Variants in MAMSTR observed in about 807,000 individuals in gnomAD.
MAMSTR encodes MEF2 activating motif and SAP domain containing transcriptional regulator.
A neutral mutation model predicts 42.7 loss-of-function variants in MAMSTR; 41 were observed. That is an observed-to-expected ratio of 0.96 (90% confidence interval 0.75 to 1.25). The LOEUF (loss-of-function observed/expected upper bound fraction) is 1.25, where lower values mean the gene tolerates loss of function less well. Ranked by LOEUF, MAMSTR falls within the 50% of genes most tolerant of loss-of-function variation. The pLI is 0.00. For missense variants in MAMSTR, 567 were observed against 557.6 expected (o/e 1.02, Z -0.17); for synonymous variants, 265 against 244.1 (o/e 1.09, Z -0.80).
chr19:48,712,244 A>T (rs1397319963), downstream of MAMSTR, among the ~76,000 whole-genome samples: 1 of 151,982 alleles, frequency 6.6e-6, no homozygotes, highest in Non-Finnish European at 1.5e-5. Flanking sequence ...GCCCAGTTCC[A>T]TGTGTCCCAA....
At chr19:48,711,498 G>A (rs193042967), downstream of MAMSTR, among the ~76,000 whole-genome samples, 2 of 152,334 alleles carry the variant, frequency 1.3e-5, no homozygotes, top group Admixed American at 1.3e-4. Flanking sequence ...CCATGCATTT[G>A]TGAGCAGTCA....
At position 48,713,193 on chromosome 19, in the gene MAMSTR, T is replaced by C. The variant is rs1601244824; in HGVS notation, c.*74A>G. ...TCTGCGGTAGGAGGGGCTCTGCTGG[T>C]AGTTCCCTCTCCTCCCACAAGGAGC... is the stretch of plus-strand genomic sequence containing the variant. On this transcript the variant is annotated 3_prime_UTR_variant, in exon 10 of 10. Transcript: ENST00000318083. 7.2e-7 allele frequency: 1 copy of C among 1,394,060 alleles called. No homozygotes were observed. Among genetic ancestry groups the C allele is most frequent in the Non-Finnish European group, 9.6e-7 (1 of 1,039,626 alleles). The allele number at this position is 1,394,060 out of a possible 1,614,324, so 86.4% of individuals were successfully genotyped here. A position where few individuals can be genotyped will look rare whatever the true frequency, so the allele number is the denominator to read the frequency against.
At chr19:48,710,691 G>A (rs2032709574), downstream of MAMSTR, among the ~76,000 whole-genome samples, 1 of 149,516 alleles carries the variant, frequency 6.7e-6, no homozygotes, top group Non-Finnish European at 1.5e-5. Flanking sequence ...CCACCTCCCA[G>A]ATTCAAGCAA....
rs1313551357 is a variant in MAMSTR, at chr19:48,719,535, A to T, written c.-22+144T>A. On this transcript the variant is annotated intron_variant, in intron 1 of 9. Transcript: ENST00000318083. This position sits in a 1 kb window ranked among gnomAD's most constrained non-coding sequence, Gnocchi z 4.4. ...ACGGGGCCCTGACAGGTTTCTGAGGAATAGAAGGGCCCCTGTGACCTGCAT... is the reference window on the plus strand; with the variant it reads ...ACGGGGCCCTGACAGGTTTCTGAGGTATAGAAGGGCCCCTGTGACCTGCAT... 1 of 159,262 alleles carries T rather than the reference A, an allele frequency of 6.3e-6. No individual in the cohort carries two copies. The highest frequency in any genetic ancestry group is 2.4e-5 in the African/African-American group (1 of 41,476). The allele number at this position is 159,262 out of a possible 1,614,324, so 9.9% of individuals were successfully genotyped here.
At chr19:48,709,743 C>G (rs766289278), downstream of MAMSTR, among the ~76,000 whole-genome samples, 3 of 152,228 alleles carry the variant, frequency 2.0e-5, no homozygotes, top group South Asian at 6.2e-4. Context: ...TGAGCACAGG[C>G]TCCCTGAGCC....
Position 48,714,478 on chromosome 19 carries a change from C to T in MAMSTR, c.611G>A (p.Gly204Asp). The change falls in exon 7 of 10, where the codon GGC becomes GAC. Residue 204 changes from glycine (G) to aspartate (D), a missense_variant. Physicochemically the swap from Gly to Asp is moderately conservative, Grantham distance 94. Coordinates refer to ENST00000318083, the MANE Select transcript of MAMSTR (RefSeq NM_001130915.2). ...TKSMLLERMR[G>D]GAPPRERPKP... is the part of the protein sequence containing the mutation. ...CGGCCGCTCGCGGGGCGGCGCGCCG[C>T]CGCGCATGCGCTCCAGGAGCATAGA... The T allele has an allele frequency of 7.3e-7, 1 of 1,368,960 alleles. No individual in the cohort carries two copies. Among genetic ancestry groups the T allele is most frequent in the Non-Finnish European group, 9.3e-7 (1 of 1,073,358 alleles). The allele number at this position is 1,368,960 out of a possible 1,614,324, so 84.8% of individuals were successfully genotyped here.
rs1008045011 is a variant in MAMSTR, at chr19:48,714,765, G to A, written c.528+41C>T. On this transcript the variant is annotated intron_variant, in intron 6 of 9. Transcript: ENST00000318083. ...GGGGTTGGAATTCTGGGACCCCACC[G>A]AAGGAGAGAGAAGGCCTGGAAAGTT... 4.1e-6 allele frequency: 6 copies of A among 1,473,444 alleles called. No homozygotes were observed. The African/African-American group carries it at 4.1e-5, about 10-fold the overall frequency. The allele number at this position is 1,473,444 out of a possible 1,614,324, so 91.3% of individuals were successfully genotyped here. A position where few individuals can be genotyped will look rare whatever the true frequency, so the allele number is the denominator to read the frequency against.
chr19:48,706,509 T>C, the MAMSTR span, among the ~76,000 whole-genome samples: 4 of 151,670 alleles, frequency 2.6e-5, no homozygotes, highest in East Asian at 3.9e-4. Flanking sequence ...TGGTGGTGCA[T>C]GCCTGTAATC....
chr19:48,717,057 G>A (rs1274667267), intron 2 of MAMSTR: 17 of 966,912 alleles, frequency 1.8e-5, no homozygotes, highest in East Asian at 6.4e-5. Context: ...CACCCCCTGC[G>A]CAATCGCTAT....
chr19:48,713,830 C>G (rs779448848), intron 8 of MAMSTR, 30 bp downstream of exon 8: 6 of 1,614,168 alleles, frequency 3.7e-6, no homozygotes, highest in Admixed American at 3.3e-5. Flanking sequence ...ACTGGAGAAC[C>G]CTAGCCGGAT....
rs146010481 is a variant in MAMSTR at position 48,719,648 on chromosome 19, GC to G, written c.-22+30del. ...AGGGGATAGAACCGTTGAGGAGTGCGCCCCCCCCGTCCACCCCAGGGGCTTC... is the reference window on the plus strand; with the variant it reads ...AGGGGATAGAACCGTTGAGGAGTGCGCCCCCCCGTCCACCCCAGGGGCTTC... On this transcript the variant is annotated intron_variant, in intron 1 of 9. Transcript: ENST00000318083. This position sits in a 1 kb window ranked among gnomAD's most constrained non-coding sequence, Gnocchi z 4.4. 3.9e-5 allele frequency: 6 copies of G among 152,138 alleles called. No homozygotes were observed. Among genetic ancestry groups the G allele is most frequent in the Non-Finnish European group, 7.3e-5 (5 of 68,380 alleles). 9.4% of individuals were successfully genotyped at this position (152,138 alleles called of 1,614,324 possible).
At chr19:48,716,035 A>T (rs2033010264) in intron 3 of MAMSTR, 2 of 1,089,696 alleles carry the variant, frequency 1.8e-6, no homozygotes. Flanking sequence ...TTGCTAGGAC[A>T]GGGGTGGGGC....
downstream of MAMSTR, among the ~76,000 whole-genome samples, chr19:48,707,879 G>GAAAGAA (rs1568464041): frequency 2.7e-5 from 3 of 109,480 alleles, no homozygotes; most frequent in African/African-American, 1.2e-4. Flanking sequence ...AAGAAAGAAA[G>GAAAGAA]AAAGAAAGAA....
chr19:48,714,545 G>A lies in MAMSTR; in HGVS notation c.544C>T (p.Gln182Ter). 2 of 1,460,226 alleles carry A rather than the reference G, an allele frequency of 1.4e-6. No individual in the cohort carries two copies. The highest frequency in any genetic ancestry group is 2.5e-5 in the East Asian group (1 of 39,800). The allele number at this position is 1,460,226 out of a possible 1,614,324, so 90.5% of individuals were successfully genotyped here. ...LEELTVSELR[Q>*]QLRLRGLPVS... is the part of the protein sequence containing the mutation. ...GGGAGGCCCCGCAGGCGCAGCTGCT[G>A]CCGGAGCTCTGAGACCTGGGGAGGG... The change falls in exon 7 of 10, where the codon CAG (glutamine) becomes TAG (stop). Residue 182 changes from glutamine (Q) to a stop codon, truncating the protein, a stop_gained. Transcript: ENST00000318083. LOFTEE classifies it high-confidence loss of function.
chr19:48,715,793 G>A, intron 3 of MAMSTR, 26 bp from the exon 4 acceptor site: 2 of 1,523,782 alleles, frequency 1.3e-6, no homozygotes, highest in Non-Finnish European at 1.8e-6. Flanking sequence ...AGGACCCTGA[G>A]AGGCCTGCAG....
the MAMSTR span, among the ~76,000 whole-genome samples, chr19:48,707,069 T>G: frequency 6.6e-6 from 1 of 151,686 alleles, no homozygotes; most frequent in Non-Finnish European, 1.5e-5. Context: ...GCATAGCCAC[T>G]GCATTCCAAA....
chr19:48,715,142 A>G, intron 5 of MAMSTR, 120 bp downstream of exon 5: 1 of 869,628 alleles, frequency 1.1e-6, no homozygotes. Context: ...GGACTCTTAA[A>G]CCCTGGGAGA....
At chr19:48,716,932 C>T (rs1343183272) in intron 2 of MAMSTR, 189 bp from the exon 3 acceptor site, 7 of 1,195,408 alleles carry the variant, frequency 5.9e-6, no homozygotes, top group Admixed American at 4.5e-5. Context: ...TCCCTGCCAG[C>T]GCAGCGCCGC....
At position 48,714,416 on chromosome 19, in the gene MAMSTR, A is replaced by G. The variant is rs776805623; in HGVS notation, c.673T>C (p.Trp225Arg). ...RREDSPAGAP[W>R]PRLKPKALAA... ...AGGGCCTTGGGCTTGAGGCGCGGCC[A>G]GGGAGCACCCGCGGGACTGTCCTCG... Residue 225 changes from tryptophan to arginine, a missense_variant, in exon 7 of 10, where the codon TGG becomes CGG. By Grantham distance (101) the Trp-to-Arg change is moderately radical. Coordinates refer to ENST00000318083, the MANE Select transcript of MAMSTR (RefSeq NM_001130915.2). 19 of 1,391,250 alleles carry G rather than the reference A, an allele frequency of 1.4e-5. No homozygotes were observed. The South Asian group carries it at 1.8e-4, about 13-fold the overall frequency. 86.2% of individuals were successfully genotyped at this position (1,391,250 alleles called of 1,614,324 possible). A position where few individuals can be genotyped will look rare whatever the true frequency, so the allele number is the denominator to read the frequency against.
Sources: gnomAD v4.1 joint callset for allele counts (sites outside exome capture counted in the v4.1 genomes callset) on GRCh38, gnomAD v4.1.1 for gene constraint, Gnocchi (gnomAD v3.1) non-coding constraint, MANE v1.5 for transcripts, NCBI Gene and HGNC (gene_info 2026-07-23, HGNC 2026-07-21) for gene names.